The following UNC79 variants were observed in gnomAD, a reference collection of about 807,000 sequenced individuals.
UNC79 encodes protein unc-79 homolog.
A neutral mutation model predicts 283.1 loss-of-function variants in UNC79; 37 were observed. The observed-to-expected ratio is 0.13, with a 90% CI of 0.10 to 0.17. UNC79 has a LOEUF of 0.17. Ranked by LOEUF, UNC79 falls within the 10% of genes least tolerant of loss-of-function variation. The pLI, the probability that UNC79 is intolerant of heterozygous loss-of-function variation, is 1.00. For missense variants in UNC79, 2,272 were observed against 3,211.1 expected (o/e 0.71, Z 7.07); for synonymous variants, 1,107 against 1,200.2 (o/e 0.92, Z 1.61).
rs200931903 is a variant in UNC79, at chr14:93,653,861, C to T, written c.6196+7C>T. 3.6e-4 allele frequency: 584 copies of T among 1,614,092 alleles called. 2 individuals are homozygous for T. Among genetic ancestry groups the T allele is most frequent in the Non-Finnish European group, 4.5e-4 (529 of 1,179,958 alleles). ...TTCCAAAGCACGATCAAAGGTAATT[C>T]ATCCACTGAGGATCCAGGCACCACA... On this transcript the variant is annotated splice_region_variant and intron_variant, in intron 36 of 48. Coordinates refer to ENST00000555664, the Ensembl canonical transcript of UNC79.
chr14:93,401,837 G>A (rs150910091), intron 1 of UNC79, among the ~76,000 whole-genome samples: 2 of 152,208 alleles, frequency 1.3e-5, no homozygotes, highest in Admixed American at 6.5e-5. Flanking sequence ...CAGAGAGTTA[G>A]GTAGAAACAA....
At chr14:93,525,446 C>T (rs1378619435) in intron 8 of UNC79, among the ~76,000 whole-genome samples, 1 of 150,896 alleles carries the variant, frequency 6.6e-6, no homozygotes, top group Non-Finnish European at 1.5e-5. Flanking sequence ...AAGACTCCAT[C>T]TCGAAAAAAA....
chr14:93,554,739 A>G (rs2062073150), intron 14 of UNC79, among the ~76,000 whole-genome samples: 1 of 152,218 alleles, frequency 6.6e-6, no homozygotes, highest in African/African-American at 2.4e-5. Context: ...AACCATCTCT[A>G]ACTGGCTTAA....
chr14:93,617,044 A>G lies in UNC79; in HGVS notation c.4042-78A>G. ...CCTGTTAAAAATTTTAACCACTGGG[A>G]TGGCTCAAATTTTTCCTTTTGACCT... On this transcript the variant is annotated intron_variant, in intron 27 of 48. Coordinates refer to ENST00000555664, the Ensembl canonical transcript of UNC79. This position sits in a 1 kb window ranked among gnomAD's most constrained non-coding sequence, Gnocchi z 4.5. 2 of 1,360,864 alleles carry G rather than the reference A, an allele frequency of 1.5e-6. No homozygotes were observed. Among genetic ancestry groups the G allele is most frequent in the South Asian group, 1.6e-5 (1 of 63,714 alleles). The allele number at this position is 1,360,864 out of a possible 1,614,324, so 84.3% of individuals were successfully genotyped here. A position where few individuals can be genotyped will look rare whatever the true frequency, so the allele number is the denominator to read the frequency against.
chr14:93,706,810 C>T, exon 49 of UNC79: 2 of 1,614,246 alleles, frequency 1.2e-6, no homozygotes, highest in South Asian at 1.1e-5. Context: ...GCTGGCCTGG[C>T]AGCCCTCCGA....
intron 11 of UNC79, 50 bp downstream of exon 11, chr14:93,532,628 T>C: frequency 6.2e-7 from 1 of 1,602,376 alleles, no homozygotes; most frequent in South Asian, 1.1e-5. Context: ...TGTGTTTGTA[T>C]GTAAATTCAT....
chr14:93,677,025 T>A (rs539318108), intron 41 of UNC79, among the ~76,000 whole-genome samples: 109 of 152,296 alleles, frequency 7.2e-4, no homozygotes, highest in African/African-American at 2.2e-3. Flanking sequence ...TATGGAAATG[T>A]TTCAGTCTTC....
At chr14:93,555,623 C>G (rs925636421) in intron 14 of UNC79, among the ~76,000 whole-genome samples, 1 of 152,140 alleles carries the variant, frequency 6.6e-6, no homozygotes, top group African/African-American at 2.4e-5. Context: ...AGACTGGTCT[C>G]AAATTCCTGG....
intron 19 of UNC79, among the ~76,000 whole-genome samples, chr14:93,581,314 A>G (rs2063781543): frequency 6.6e-6 from 1 of 151,168 alleles, no homozygotes; most frequent in Non-Finnish European, 1.5e-5. Flanking sequence ...GTAACTGGAC[A>G]CAGGCATGCC....
chr14:93,378,957 G>A (rs2054613316), intron 1 of UNC79, among the ~76,000 whole-genome samples: 1 of 152,178 alleles, frequency 6.6e-6, no homozygotes, highest in Non-Finnish European at 1.5e-5. Context: ...AGCTGGAAAG[G>A]CTACACGAGG....
intron 14 of UNC79, among the ~76,000 whole-genome samples, chr14:93,547,835 A>G (rs561649070): frequency 2.0e-5 from 3 of 149,560 alleles, no homozygotes; most frequent in African/African-American, 7.4e-5. Context: ...TACAAAAAAT[A>G]AAAAAAAAAT....
intron 14 of UNC79, among the ~76,000 whole-genome samples, chr14:93,558,760 G>A (rs1054176388): frequency 6.6e-6 from 1 of 151,866 alleles, no homozygotes; most frequent in Non-Finnish European, 1.5e-5. Flanking sequence ...TTCCATAAGA[G>A]CAGAGCAGCT....
intron 5 of UNC79, among the ~76,000 whole-genome samples, chr14:93,492,143 A>T (rs181428259): frequency 2.0e-5 from 3 of 152,338 alleles, no homozygotes; most frequent in Admixed American, 6.5e-5. Flanking sequence ...AAAACATAAG[A>T]TATGGTACTT....
intron 41 of UNC79, among the ~76,000 whole-genome samples, chr14:93,676,328 G>A (rs1242980301): frequency 2.0e-5 from 3 of 152,134 alleles, no homozygotes; most frequent in Non-Finnish European, 4.4e-5. Context: ...TCAAGGTGCT[G>A]GGATTACAGG....
intron 14 of UNC79, among the ~76,000 whole-genome samples, chr14:93,546,304 C>G (rs1414004484): frequency 6.6e-6 from 1 of 152,122 alleles, no homozygotes; most frequent in Non-Finnish European, 1.5e-5. Context: ...TAAATATCTC[C>G]CAAAGCTAGT....
chr14:93,471,938 T>C (rs1035637701), intron 2 of UNC79, among the ~76,000 whole-genome samples: 2 of 152,176 alleles, frequency 1.3e-5, no homozygotes, highest in East Asian at 1.9e-4. Flanking sequence ...CATCATACTT[T>C]GGAAAAATAC....
rs61185552 is a variant in UNC79 at position 93,602,547 on chromosome 14, A to G, written c.3575-692A>G. Among the ~76,000 whole-genome samples, 100 of 152,216 alleles carry G rather than the reference A, an allele frequency of 6.6e-4. No homozygotes were observed. In the East Asian group the frequency reaches 0.013, roughly 19 times the overall value. ...AACTCCAGGAATGCGATGCCTCCAG[A>G]TGCATTCTTTTTGCTTAGTCTTGCT... On this transcript the variant is annotated intron_variant, in intron 25 of 48. Coordinates refer to ENST00000555664, the Ensembl canonical transcript of UNC79.
intron 1 of UNC79, among the ~76,000 whole-genome samples, chr14:93,438,542 T>C (rs192669976): frequency 1.0e-3 from 159 of 152,282 alleles, no homozygotes; most frequent in African/African-American, 3.2e-3. Context: ...ATTACTACTC[T>C]TTATTTTAAC....
chr14:93,345,904 G>T (rs978543658), intron 1 of UNC79, among the ~76,000 whole-genome samples: 1 of 151,374 alleles, frequency 6.6e-6, no homozygotes, highest in Admixed American at 6.6e-5. Context: ...ATGCCTAAAA[G>T]ATTCCCAAAA....
Sources: allele counts gnomAD v4.1 joint callset (sites outside exome capture counted in the v4.1 genomes callset), GRCh38; gene constraint gnomAD v4.1.1; non-coding constraint Gnocchi (gnomAD v3.1); transcripts MANE v1.5; gene names NCBI Gene and HGNC (gene_info 2026-07-23, HGNC 2026-07-21).